FRAS1: variants seen among roughly 807,000 people sequenced by gnomAD.
FRAS1 encodes the protein extracellular matrix organizing protein FRAS1.
A neutral mutation model predicts 435.2 loss-of-function variants in FRAS1; 290 were observed. The observed-to-expected ratio is 0.67, with a 90% CI of 0.61 to 0.73. The LOEUF is 0.73. FRAS1 is among the 30% of genes least tolerant of loss of function. The pLI is 0.00. For synonymous variants in FRAS1, 1,800 were observed against 1,851.0 expected (o/e 0.97, Z 0.71); for missense variants, 4,860 against 5,001.5 (o/e 0.97, Z 0.85).
At chr4:78,089,897 C>CT (rs1741421516) in intron 2 of FRAS1, among the ~76,000 whole-genome samples, 1 of 152,106 alleles carries the variant, frequency 6.6e-6, no homozygotes, top group Admixed American at 6.6e-5. Context: ...TTTTCTGCTC[C>CT]TCTCCCTCCT....
At chr4:78,116,382 C>A (rs1352909407) in intron 2 of FRAS1, among the ~76,000 whole-genome samples, 1 of 152,068 alleles carries the variant, frequency 6.6e-6, no homozygotes, top group Non-Finnish European at 1.5e-5. Flanking sequence ...TCCTGGATAT[C>A]CTTGTTAACT....
chr4:78,358,285 C>A (rs1170924270), intron 20 of FRAS1, among the ~76,000 whole-genome samples: 2 of 152,112 alleles, frequency 1.3e-5, no homozygotes, highest in African/African-American at 4.8e-5. Flanking sequence ...TTTTCACCAA[C>A]CAAATTAGCC....
chr4:78,479,334 C>G (rs1719940856), intron 55 of FRAS1, 40 bp from the exon 56 acceptor site: 1 of 1,326,894 alleles, frequency 7.5e-7, no homozygotes, highest in Non-Finnish European at 1.0e-6. Context: ...CTGAGAAGCA[C>G]TCATTCAAAT....
intron 20 of FRAS1, among the ~76,000 whole-genome samples, chr4:78,338,752 C>G (rs957460946): frequency 6.6e-6 from 1 of 152,188 alleles, no homozygotes; most frequent in African/African-American, 2.4e-5. Flanking sequence ...CAGGCACATT[C>G]AGTCTGGGAT....
At chr4:78,411,086 T>A (rs1733314314) in intron 31 of FRAS1, among the ~76,000 whole-genome samples, 1 of 151,884 alleles carries the variant, frequency 6.6e-6, no homozygotes, top group South Asian at 2.1e-4. Flanking sequence ...AAGCAGGAAA[T>A]GCAGTATAAT....
chr4:78,249,048 G>GATATATATATATGCAT (rs1725389311), intron 4 of FRAS1, among the ~76,000 whole-genome samples: 2 of 27,530 alleles, frequency 7.3e-5, no homozygotes, highest in East Asian at 1.3e-3. Context: ...AAGAACTACT[G>GATATATATATATGCAT]ATATATATAT....
At chr4:78,116,386 G>T (rs762529431) in intron 2 of FRAS1, among the ~76,000 whole-genome samples, 1 of 152,144 alleles carries the variant, frequency 6.6e-6, no homozygotes, top group Non-Finnish European at 1.5e-5. Context: ...GGATATCCTT[G>T]TTAACTTTCT....
intron 2 of FRAS1, among the ~76,000 whole-genome samples, chr4:78,077,306 G>C (rs1172762917): frequency 6.6e-6 from 1 of 152,102 alleles, no homozygotes; most frequent in East Asian, 1.9e-4. Flanking sequence ...GGAAGTCAAG[G>C]CTTCAGTGAG....
chr4:78,433,466 C>T (rs1400576147), intron 38 of FRAS1, among the ~76,000 whole-genome samples: 2 of 151,764 alleles, frequency 1.3e-5, no homozygotes, highest in East Asian at 1.9e-4. Flanking sequence ...TTTTTAATGC[C>T]GTATACTTTT....
intron 54 of FRAS1, 25 bp downstream of exon 54, chr4:78,475,631 G>T: frequency 6.6e-7 from 1 of 1,514,290 alleles, no homozygotes; most frequent in Non-Finnish European, 8.9e-7. Context: ...GGGGTTGGGG[G>T]AGGCTCCAGC....
At position 78,507,459 on chromosome 4, in the gene FRAS1, A is replaced by G. The variant is rs1720878489; in HGVS notation, c.9355A>G (p.Asn3119Asp). The change falls in exon 62 of 74, where the codon AAT (asparagine) becomes GAT (aspartate). Residue 3119 changes from asparagine (N) to aspartate (D), a missense_variant. Asn to Asp is a conservative substitution (Grantham distance 23, BLOSUM62 1). Coordinates refer to ENST00000512123, the MANE Select transcript of FRAS1 (RefSeq NM_025074.7). ...HIFFKVEILSNEDREWHESFS... is the reference protein window; with the variant it reads ...HIFFKVEILSDEDREWHESFS... ...CTTTTTTAAAGTTGAGATCCTGTCC[A>G]ATGAAGACCGGGAATGGCATGAATC... The G allele has an allele frequency of 2.5e-6, 4 of 1,612,614 alleles. No individual in the cohort carries two copies. The highest frequency in any genetic ancestry group is 3.4e-6 in the Non-Finnish European group (4 of 1,179,358).
rs373137263 is a variant in FRAS1 at position 78,429,120 on chromosome 4, G to A, written c.4737G>A (p.Pro1579=). ...TTTCAGATGGAGAACACACAAGTCC[G>A]GAGATGGTCCTCACCATTCACTTAC... ...FTVSDGEHTS[P]EMVLTIHLLP... is the part of the protein sequence containing the mutation. The change falls in exon 36 of 74, where the codon CCG becomes CCA. Residue 1579 remains proline (P), a synonymous_variant. Transcript: ENST00000512123. The A allele has an allele frequency of 1.5e-4, 241 of 1,562,464 alleles. No homozygotes were observed. The highest frequency in any genetic ancestry group is 1.9e-4 in the Non-Finnish European group (218 of 1,153,160).
At chr4:78,365,118 AG>A (rs1731213382) in intron 22 of FRAS1, among the ~76,000 whole-genome samples, 1 of 152,222 alleles carries the variant, frequency 6.6e-6, no homozygotes, top group South Asian at 2.1e-4. Flanking sequence ...ATCTAAAATG[AG>A]AGGCAAATAA....
chr4:78,183,245 A>G (rs1245689958), intron 2 of FRAS1, among the ~76,000 whole-genome samples: 3 of 152,308 alleles, frequency 2.0e-5, no homozygotes, highest in Middle Eastern at 3.4e-3. Flanking sequence ...AATGATGGGT[A>G]TGGACATGGA....
At chr4:78,113,354 G>T (rs867202139) in intron 2 of FRAS1, among the ~76,000 whole-genome samples, 15 of 152,282 alleles carry the variant, frequency 9.9e-5, no homozygotes, top group African/African-American at 3.4e-4. Flanking sequence ...GTAATGGGAT[G>T]GCTGGGTCAA....
intron 2 of FRAS1, among the ~76,000 whole-genome samples, chr4:78,144,422 T>C (rs1170523672): frequency 2.0e-5 from 3 of 151,834 alleles, no homozygotes; most frequent in African/African-American, 7.3e-5. Context: ...TTTCTTTTCC[T>C]GCCTTCTCAT....
intron 66 of FRAS1, among the ~76,000 whole-genome samples, chr4:78,518,121 AAAACAAAC>A (rs71661172): frequency 0.14 from 20,991 of 149,568 alleles, 1,761 homozygotes; most frequent in Non-Finnish European, 0.2. Context: ...CATCTCTTGA[AAAACAAAC>A]AAACAAACAA....
At chr4:78,326,191 C>T (rs1266166191) in intron 18 of FRAS1, among the ~76,000 whole-genome samples, 2 of 152,046 alleles carry the variant, frequency 1.3e-5, no homozygotes, top group Non-Finnish European at 2.9e-5. Flanking sequence ...TAGGCAGAAA[C>T]AGGGTAGGGC....
intron 2 of FRAS1, among the ~76,000 whole-genome samples, chr4:78,069,167 G>T (rs933166302): frequency 6.6e-6 from 1 of 152,186 alleles, no homozygotes; most frequent in Admixed American, 6.5e-5. Context: ...AGAGGTAGAA[G>T]TGACTTGAGA....
Sources: gnomAD v4.1 joint callset for allele counts (sites outside exome capture counted in the v4.1 genomes callset) on GRCh38, gnomAD v4.1.1 for gene constraint, MANE v1.5 for transcripts, NCBI Gene and HGNC (gene_info 2026-07-23, HGNC 2026-07-21) for gene names.